The following AGAP1 variants were observed in gnomAD, a reference collection of about 807,000 sequenced individuals.
The protein encoded by AGAP1 is ArfGAP with GTPase domain, ankyrin repeat and PH domain 1.
In AGAP1, 29 loss-of-function variants were observed where a neutral mutation model predicts 105.3. The ratio of observed to expected loss-of-function variants is 0.28; its 90% CI spans 0.21 to 0.38. The LOEUF (loss-of-function observed/expected upper bound fraction) is 0.38. Among genes scored for constraint, AGAP1 ranks in the 10% least tolerant of loss-of-function variants. The probability of loss-of-function intolerance (pLI) is 1.00; values close to 1 mark genes in which losing one functional copy is unlikely to be tolerated. For synonymous variants in AGAP1, 509 were observed against 485.9 expected (o/e 1.05, Z -0.63); for missense variants, 998 against 1,165.1 (o/e 0.86, Z 2.09).
chr2:235,761,588 A>G (rs1954442589), intron 6 of AGAP1, among the ~76,000 whole-genome samples: 1 of 152,102 alleles, frequency 6.6e-6, no homozygotes, highest in Non-Finnish European at 1.5e-5. Context: ...AATGGCTTTT[A>G]TTTTTGTTCA....
At chr2:236,004,746 G>A (rs538974519) in intron 13 of AGAP1, among the ~76,000 whole-genome samples, 1 of 152,306 alleles carries the variant, frequency 6.6e-6, no homozygotes, top group East Asian at 1.9e-4. Context: ...GCAGCCTTTC[G>A]AGTTGTTAAG....
At chr2:235,966,033 C>T (rs1281710826) in intron 12 of AGAP1, among the ~76,000 whole-genome samples, 1 of 131,510 alleles carries the variant, frequency 7.6e-6, no homozygotes, top group East Asian at 2.3e-4. Context: ...AGAGGGGAGC[C>T]TTTTCCTCTG....
chr2:235,997,159 G>A (rs1258906584), intron 13 of AGAP1, among the ~76,000 whole-genome samples: 1 of 152,116 alleles, frequency 6.6e-6, no homozygotes, highest in African/African-American at 2.4e-5. Flanking sequence ...GCGCAATCTC[G>A]GCTCACTGCA....
rs2055583870 is a variant in AGAP1, at chr2:235,991,984, CT to C, written c.1645+23362del. Among the ~76,000 whole-genome samples the C allele has an allele frequency of 2.6e-5, 4 of 152,370 alleles. No homozygotes were observed. In the South Asian group the frequency reaches 6.2e-4, roughly 24 times the overall value. ...TGTCCGTAAAACTGAAACATCCAGC[CT>C]CACAAATGTCCACATTTCTCTCTCA... On this transcript the variant is annotated intron_variant, in intron 13 of 17. Transcript: ENST00000304032.
In AGAP1 at chr2:235,705,209, C is replaced by T. The variant is rs1014207534; in HGVS notation, c.164-3970C>T. 5.9e-5 allele frequency among the ~76,000 whole-genome samples: 9 copies of T among 151,860 alleles called. No individual in the cohort carries two copies. The highest frequency in any genetic ancestry group is 1.9e-4 in the African/African-American group (8 of 41,336). On this transcript the variant is annotated intron_variant, in intron 1 of 17. Coordinates refer to ENST00000304032, the MANE Select transcript of AGAP1 (RefSeq NM_001037131.3). This position sits in a 1 kb window ranked among gnomAD's most constrained non-coding sequence, Gnocchi z 4.9. The stretch of plus-strand genomic sequence containing the variant: ...GGCCAGGCTGGTCTTGAACTCCTGA[C>T]CTCAGGTGATCTGCGCGCCTCGGCC...
intron 1 of AGAP1, among the ~76,000 whole-genome samples, chr2:235,643,457 A>AAAAAAAAAG (rs1553595203): frequency 2.8e-4 from 40 of 140,450 alleles, no homozygotes; most frequent in African/African-American, 1.1e-3. Flanking sequence ...AAAAAAAAAA[A>AAAAAAAAAG]AAAGAAAGAA....
Position 235,691,432 on chromosome 2 carries a change from A to G in AGAP1, c.164-17747A>G, listed in dbSNP as rs1027363131. ...TGCGAGAAGCAAAAGTAGATTTAAC[A>G]CATCTTTAAAATCCGCTGAAGACTG... On this transcript the variant is annotated intron_variant, in intron 1 of 17. Transcript: ENST00000304032. This position sits in a 1 kb window ranked among gnomAD's most constrained non-coding sequence, Gnocchi z 4.4. Among the ~76,000 whole-genome samples the G allele has an allele frequency of 2.0e-4, 30 of 152,260 alleles. No homozygotes were observed. Among genetic ancestry groups the G allele is most frequent in the Admixed American group, 1.4e-3 (21 of 15,288 alleles).
Position 236,104,618 on chromosome 2 carries a change from C to T in AGAP1, c.2115-15574C>T, listed in dbSNP as rs781514584. On this transcript the variant is annotated intron_variant, in intron 16 of 17. Transcript: ENST00000304032. This position sits in a 1 kb window ranked among gnomAD's most constrained non-coding sequence, Gnocchi z 4.7. ...AAGACAAGCGTGCACAGGCCAGGCG[C>T]GGTGGCTCATGCCTGTAATGCCAGC... is the stretch of plus-strand genomic sequence containing the variant. Among the ~76,000 whole-genome samples the T allele has an allele frequency of 2.6e-5, 4 of 152,080 alleles. No homozygotes were observed. The highest frequency in any genetic ancestry group is 1.9e-4 in the East Asian group (1 of 5,162).
intron 13 of AGAP1, among the ~76,000 whole-genome samples, chr2:236,033,057 C>G (rs1033451411): frequency 6.6e-6 from 1 of 151,990 alleles, no homozygotes; most frequent in African/African-American, 2.4e-5. Flanking sequence ...ACCAGCCTGG[C>G]CAACATGGTG....
At chr2:235,791,030 A>G (rs1163675220) in intron 6 of AGAP1, among the ~76,000 whole-genome samples, 1 of 152,248 alleles carries the variant, frequency 6.6e-6, no homozygotes, top group Non-Finnish European at 1.5e-5. Context: ...GCTTCCTCAC[A>G]TGGCTATGAT....
In AGAP1 at chr2:235,599,778, A is replaced by G. The variant is rs1159428895; in HGVS notation, c.163+104929A>G. On this transcript the variant is annotated intron_variant, in intron 1 of 17. Transcript: ENST00000304032. The surrounding 1 kb of genome is among the most constrained non-coding windows in gnomAD (Gnocchi z 5.3). ...TAGGGCTTTTCCCCTCCAGGTTCAG[A>G]GAGAGCGCCTGCCCCAGGGCTGGGA... Among the ~76,000 whole-genome samples the G allele has an allele frequency of 2.6e-5, 4 of 152,214 alleles. No individual in the cohort carries two copies. The highest frequency in any genetic ancestry group is 9.6e-5 in the African/African-American group (4 of 41,540).
chr2:236,041,834 G>A (rs1012364449), intron 15 of AGAP1, among the ~76,000 whole-genome samples: 81 of 152,186 alleles, frequency 5.3e-4, no homozygotes, highest in Non-Finnish European at 3.7e-4. Flanking sequence ...GAGAGCCATC[G>A]GGGGCATGCG....
Position 236,009,946 on chromosome 2 carries a change from C to T in AGAP1, c.1646-26615C>T, listed in dbSNP as rs538740163. ...TTAATAAGCCTGTGGTTTCCTGGTACAATGATGGAGGAAGAGTTTGGAATA... is the reference window on the plus strand; with the variant it reads ...TTAATAAGCCTGTGGTTTCCTGGTATAATGATGGAGGAAGAGTTTGGAATA... On this transcript the variant is annotated intron_variant, in intron 13 of 17. Transcript: ENST00000304032. The surrounding 1 kb of genome is among the most constrained non-coding windows in gnomAD (Gnocchi z 4.2). 4.7e-4 allele frequency among the ~76,000 whole-genome samples: 72 copies of T among 152,114 alleles called. No individual in the cohort carries two copies. The South Asian group carries it at 7.5e-3, about 16-fold the overall frequency.
rs1426590354 is a variant in AGAP1 at position 235,689,367 on chromosome 2, T to G, written c.164-19812T>G. On this transcript the variant is annotated intron_variant, in intron 1 of 17. Transcript: ENST00000304032. The surrounding 1 kb of genome is among the most constrained non-coding windows in gnomAD (Gnocchi z 4.2). ...GAGCCTGCTGCTGTTCATCGGCCCG[T>G]AGGGTCTCCAGCACAATACCGGGTT... 1.3e-5 allele frequency among the ~76,000 whole-genome samples: 2 copies of G among 152,188 alleles called. No homozygotes were observed. The highest frequency in any genetic ancestry group is 4.8e-5 in the African/African-American group (2 of 41,454).
Position 235,739,262 on chromosome 2 carries a change from C to G in AGAP1, c.311-1701C>G, listed in dbSNP as rs73996340. On this transcript the variant is annotated intron_variant, in intron 3 of 17. Coordinates refer to ENST00000304032, the MANE Select transcript of AGAP1 (RefSeq NM_001037131.3). This position sits in a 1 kb window ranked among gnomAD's most constrained non-coding sequence, Gnocchi z 5.3. Reference sequence around the variant, plus strand: ...GTCTGGGGGCGACCGTCTGCAGCACCGTCACATACGTGGGGACGTCCACCT... The same window carrying G: ...GTCTGGGGGCGACCGTCTGCAGCACGGTCACATACGTGGGGACGTCCACCT... 3.3e-5 allele frequency among the ~76,000 whole-genome samples: 5 copies of G among 152,370 alleles called. No individual in the cohort carries two copies. In the East Asian group the frequency reaches 9.6e-4, roughly 29 times the overall value.
intron 9 of AGAP1, among the ~76,000 whole-genome samples, chr2:235,818,722 C>T (rs1958605814): frequency 6.6e-6 from 1 of 152,218 alleles, no homozygotes; most frequent in Non-Finnish European, 1.5e-5. Context: ...GGATTACAGG[C>T]ACATGCCACC....
chr2:235,808,125 C>T (rs944663005), intron 9 of AGAP1, among the ~76,000 whole-genome samples: 9 of 152,016 alleles, frequency 5.9e-5, no homozygotes, highest in East Asian at 5.8e-4. Context: ...AGTTCAACCC[C>T]ACACAGTGGC....
At position 236,053,848 on chromosome 2, in the gene AGAP1, A is replaced by G. The variant is rs1034684054; in HGVS notation, c.2114+4567A>G. ...TTAAGCGCAACTGAAATCACCCATTACCTCTTTGATGCCACTTGGAAGGGA... is the reference window on the plus strand; with the variant it reads ...TTAAGCGCAACTGAAATCACCCATTGCCTCTTTGATGCCACTTGGAAGGGA... On this transcript the variant is annotated intron_variant, in intron 16 of 17. Coordinates refer to ENST00000304032, the MANE Select transcript of AGAP1 (RefSeq NM_001037131.3). The surrounding 1 kb of genome is among the most constrained non-coding windows in gnomAD (Gnocchi z 4.6). 1.3e-5 allele frequency among the ~76,000 whole-genome samples: 2 copies of G among 152,236 alleles called. No homozygotes were observed. Among genetic ancestry groups the G allele is most frequent in the African/African-American group, 4.8e-5 (2 of 41,466 alleles).
chr2:236,104,887 G>A lies in AGAP1; in HGVS notation c.2115-15305G>A, dbSNP rs747419702. Reference sequence around the variant, plus strand: ...TGCACTGCAGCCTGGGCTACAGAGCGAGACTCTGTCTCAAGGAAAAAAAAA... The same window carrying A: ...TGCACTGCAGCCTGGGCTACAGAGCAAGACTCTGTCTCAAGGAAAAAAAAA... On this transcript the variant is annotated intron_variant, in intron 16 of 17. Transcript: ENST00000304032. The surrounding 1 kb of genome is among the most constrained non-coding windows in gnomAD (Gnocchi z 4.7). 4.6e-5 allele frequency among the ~76,000 whole-genome samples: 7 copies of A among 151,896 alleles called. No individual in the cohort carries two copies. The highest frequency in any genetic ancestry group is 2.1e-4 in the South Asian group (1 of 4,796).
Sources: gnomAD v4.1 joint callset for allele counts (sites outside exome capture counted in the v4.1 genomes callset) on GRCh38, gnomAD v4.1.1 for gene constraint, Gnocchi (gnomAD v3.1) non-coding constraint, MANE v1.5 for transcripts, NCBI Gene and HGNC (gene_info 2026-07-23, HGNC 2026-07-21) for gene names.